RBFOX1: variants seen among roughly 807,000 people sequenced by gnomAD.
RBFOX1 encodes RNA binding protein fox-1 homolog 1.
RBFOX1 carries 8 observed loss-of-function variants against 57.7 expected under a neutral mutation model. The observed-to-expected ratio is 0.14, with a 90% CI of 0.08 to 0.25. The LOEUF (loss-of-function observed/expected upper bound fraction) is 0.25, where lower values mean the gene tolerates loss of function less well. RBFOX1 is among the 10% of genes least tolerant of loss of function. The pLI, the probability that RBFOX1 is intolerant of heterozygous loss-of-function variation, is 1.00. For missense variants in RBFOX1, 611 were observed against 548.5 expected (o/e 1.11, Z -1.14); for synonymous variants, 326 against 222.4 (o/e 1.47, Z -4.15).
At chr16:6,688,847 C>G (rs2059814985) in intron 3 of RBFOX1, among the ~76,000 whole-genome samples, 1 of 152,100 alleles carries the variant, frequency 6.6e-6, no homozygotes, top group Non-Finnish European at 1.5e-5. Flanking sequence ...TCCATGTGTT[C>G]TCATTGTTCA....
intron 2 of RBFOX1, among the ~76,000 whole-genome samples, chr16:6,506,053 A>C (rs2159549): frequency 0.097 from 14,813 of 152,280 alleles, 846 homozygotes; most frequent in African/African-American, 0.14. Context: ...TCCTGATTCT[A>C]GCAAAGCAGT....
At chr16:6,508,093 C>G (rs867742120) in intron 2 of RBFOX1, among the ~76,000 whole-genome samples, 3 of 152,122 alleles carry the variant, frequency 2.0e-5, no homozygotes, top group East Asian at 3.9e-4. Context: ...GGTCATTATC[C>G]TTAGCAAACT....
At chr16:6,077,169 A>C (rs936470807) in intron 1 of RBFOX1, among the ~76,000 whole-genome samples, 1 of 152,190 alleles carries the variant, frequency 6.6e-6, no homozygotes, top group Non-Finnish European at 1.5e-5. Context: ...TTAGACACCA[A>C]AGTTCAGCCT....
intron 11 of RBFOX1, among the ~76,000 whole-genome samples, chr16:7,634,164 A>G (rs1216510656): frequency 6.6e-6 from 1 of 152,158 alleles, no homozygotes; most frequent in Non-Finnish European, 1.5e-5. Context: ...TGAGGCTACC[A>G]TACTTTTCAG....
At chr16:7,184,024 T>C (rs180693503) in intron 4 of RBFOX1, among the ~76,000 whole-genome samples, 2 of 152,286 alleles carry the variant, frequency 1.3e-5, no homozygotes, top group Admixed American at 1.3e-4. Flanking sequence ...GCGATGCAGA[T>C]GGCTGGAGGT....
intron 2 of RBFOX1, among the ~76,000 whole-genome samples, chr16:6,625,142 G>A (rs2098285294): frequency 9.0e-6 from 1 of 110,806 alleles, no homozygotes; most frequent in Non-Finnish European, 1.7e-5. Context: ...TCCATCCTCG[G>A]CCACCAACCC....
At chr16:7,135,448 G>T (rs891082414) in intron 4 of RBFOX1, among the ~76,000 whole-genome samples, 1 of 152,310 alleles carries the variant, frequency 6.6e-6, no homozygotes, top group Middle Eastern at 3.4e-3. Context: ...TTCTTACATT[G>T]TTACCAAGCT....
At chr16:7,084,542 A>C (rs117137409) in intron 4 of RBFOX1, among the ~76,000 whole-genome samples, 1 of 152,138 alleles carries the variant, frequency 6.6e-6, no homozygotes, top group African/African-American at 2.4e-5. Flanking sequence ...AATGCCCCAA[A>C]AGAAAGGGGA....
At chr16:5,292,917 C>G (rs1353603031) in intron 1 of RBFOX1, among the ~76,000 whole-genome samples, 1 of 152,094 alleles carries the variant, frequency 6.6e-6, no homozygotes, top group Non-Finnish European at 1.5e-5. Context: ...GCCACTGTGC[C>G]CAGCCTGGAG....
chr16:6,744,966 T>C (rs1300924280), intron 3 of RBFOX1, among the ~76,000 whole-genome samples: 1 of 151,954 alleles, frequency 6.6e-6, no homozygotes, highest in African/African-American at 2.4e-5. Context: ...AAGGAGAAGA[T>C]ACAAATTACC....
intron 4 of RBFOX1, among the ~76,000 whole-genome samples, chr16:7,443,895 T>A (rs1337832097): frequency 6.6e-6 from 1 of 152,196 alleles, no homozygotes; most frequent in Non-Finnish European, 1.5e-5. Context: ...CTTCCTACAA[T>A]AGGGCACTAC....
At chr16:7,616,763 C>G (rs2058514095) in intron 10 of RBFOX1, among the ~76,000 whole-genome samples, 3 of 152,178 alleles carry the variant, frequency 2.0e-5, no homozygotes, top group South Asian at 2.1e-4. Flanking sequence ...AACTCCTGAC[C>G]TCAAGCAACC....
At chr16:7,216,898 C>T (rs970059137) in intron 4 of RBFOX1, among the ~76,000 whole-genome samples, 1 of 152,114 alleles carries the variant, frequency 6.6e-6, no homozygotes, top group Non-Finnish European at 1.5e-5. Flanking sequence ...GTAATCATTA[C>T]TTTCCCATTT....
At chr16:6,084,659 C>T (rs2096059782) in intron 1 of RBFOX1, among the ~76,000 whole-genome samples, 1 of 152,128 alleles carries the variant, frequency 6.6e-6, no homozygotes, top group South Asian at 2.1e-4. Flanking sequence ...TAAGCCTGCT[C>T]TCTCTCTCGT....
At chr16:7,239,132 C>G (rs1243623887) in intron 4 of RBFOX1, among the ~76,000 whole-genome samples, 3 of 152,104 alleles carry the variant, frequency 2.0e-5, no homozygotes, top group East Asian at 3.9e-4. Context: ...TTATCATTTT[C>G]TCCTTTGCCT....
intron 3 of RBFOX1, among the ~76,000 whole-genome samples, chr16:6,931,236 G>C (rs2076454543): frequency 6.6e-6 from 1 of 151,230 alleles, no homozygotes; most frequent in South Asian, 2.1e-4. Context: ...GGAATTAAGG[G>C]GTTGTTTGCT....
At chr16:5,295,439 A>G (rs1412428351) in intron 1 of RBFOX1, among the ~76,000 whole-genome samples, 8 of 152,126 alleles carry the variant, frequency 5.3e-5, no homozygotes. Flanking sequence ...TCTAGGCGTG[A>G]CTCAGCTGGG....
intron 2 of RBFOX1, among the ~76,000 whole-genome samples, chr16:5,543,799 G>C (rs2045067488): frequency 6.6e-6 from 1 of 152,120 alleles, no homozygotes; most frequent in African/African-American, 2.4e-5. Flanking sequence ...AAACAAGACA[G>C]ATTACTTACA....
At chr16:5,833,941 C>T (rs966335209) in intron 3 of RBFOX1, among the ~76,000 whole-genome samples, 1 of 152,154 alleles carries the variant, frequency 6.6e-6, no homozygotes, top group Non-Finnish European at 1.5e-5. Flanking sequence ...ACTTTTGTGG[C>T]ACGTGTTTGA....
Sources: allele counts gnomAD v4.1 joint callset (sites outside exome capture counted in the v4.1 genomes callset), GRCh38; gene constraint gnomAD v4.1.1; transcripts MANE v1.5; gene names NCBI Gene and HGNC (gene_info 2026-07-23, HGNC 2026-07-21).